Variants in RTN4 observed in about 807,000 individuals in gnomAD.
RTN4 encodes reticulon 4.
In RTN4, 32 loss-of-function variants were observed where a neutral mutation model predicts 90.4. The ratio of observed to expected loss-of-function variants is 0.35; its 90% CI spans 0.27 to 0.48. The LOEUF (loss-of-function observed/expected upper bound fraction) is 0.48, where lower values mean the gene tolerates loss of function less well. Among genes scored for constraint, RTN4 ranks in the 20% least tolerant of loss-of-function variants. The pLI, the probability that RTN4 is intolerant of heterozygous loss-of-function variation, is 0.99. For missense variants in RTN4, 1,706 were observed against 1,430.2 expected (o/e 1.19, Z -3.11); for synonymous variants, 629 against 552.5 (o/e 1.14, Z -1.94).
At chr2:55,106,256 G>A (rs1197750494) in intron 1 of RTN4, among the ~76,000 whole-genome samples, 3 of 151,854 alleles carry the variant, frequency 2.0e-5, no homozygotes, top group African/African-American at 7.3e-5. Context: ...ATTCCACTTG[G>A]GTGACAGCTC....
chr2:55,094,720 AG>A (rs1435443560), intron 1 of RTN4, among the ~76,000 whole-genome samples: 1 of 152,168 alleles, frequency 6.6e-6, no homozygotes, highest in African/African-American at 2.4e-5. Flanking sequence ...AGAGCTGACT[AG>A]GAGACAATCT....
chr2:55,051,328 G>A (rs2104989924), upstream of RTN4, among the ~76,000 whole-genome samples: 1 of 152,278 alleles, frequency 6.6e-6, no homozygotes, highest in Non-Finnish European at 1.5e-5. Context: ...AGATGCCTTG[G>A]AAAGCTAATT....
chr2:55,118,962 G>A, the RTN4 span, among the ~76,000 whole-genome samples: 1 of 152,232 alleles, frequency 6.6e-6, no homozygotes, highest in African/African-American at 2.4e-5. Flanking sequence ...AAAAATAGAA[G>A]CTGAGGTGCT....
chr2:55,015,085 T>C (rs1680934491), intron 3 of RTN4, among the ~76,000 whole-genome samples: 1 of 152,220 alleles, frequency 6.6e-6, no homozygotes, highest in South Asian at 2.1e-4. Flanking sequence ...CAACTGAATT[T>C]ATTCCACATA....
chr2:55,016,593 CA>C (rs1681060020), intron 3 of RTN4, among the ~76,000 whole-genome samples: 2 of 151,966 alleles, frequency 1.3e-5, no homozygotes, highest in Admixed American at 1.3e-4. Context: ...CAAACAAAAA[CA>C]AAAACAAAAC....
At chr2:54,984,707 T>G (rs1010945891) in intron 4 of RTN4, among the ~76,000 whole-genome samples, 2 of 152,248 alleles carry the variant, frequency 1.3e-5, no homozygotes, top group Non-Finnish European at 1.5e-5. Flanking sequence ...TAATATCACC[T>G]CTACTAGTAT....
the RTN4 span, among the ~76,000 whole-genome samples, chr2:55,126,794 G>C: frequency 6.6e-6 from 1 of 152,002 alleles, no homozygotes; most frequent in African/African-American, 2.4e-5. Context: ...ATCAGTGACA[G>C]ATTGGATAAA....
chr2:55,049,814 C>T lies in RTN4; in HGVS notation c.487G>A (p.Ala163Thr). ...PQAEPVWTPP[A>T]PAPAAPPSTP... The stretch of plus-strand genomic sequence containing the variant: ...GAGGGGGGCGCGGCGGGAGCCGGGG[C>T]TGGCGGGGTCCACACGGGCTCTGCC... Residue 163 changes from alanine (A) to threonine (T), a missense_variant, in exon 1 of 9, where the codon GCC (alanine) becomes ACC (threonine). By Grantham distance (58) the Ala-to-Thr change is moderately conservative. Coordinates refer to ENST00000337526, the MANE Select transcript of RTN4 (RefSeq NM_020532.5). 1 of 1,208,224 alleles carries T rather than the reference C, an allele frequency of 8.3e-7. No individual in the cohort carries two copies. Among genetic ancestry groups the T allele is most frequent in the Non-Finnish European group, 1.0e-6 (1 of 970,324 alleles). The allele number at this position is 1,208,224 out of a possible 1,614,324, so 74.8% of individuals were successfully genotyped here.
chr2:55,105,884 G>T (rs1308409118), intron 1 of RTN4, among the ~76,000 whole-genome samples: 4 of 152,082 alleles, frequency 2.6e-5, no homozygotes, highest in African/African-American at 9.7e-5. Context: ...GGAGGCTGAG[G>T]CCAGAGGATC....
rs111731521 is a variant in RTN4 at position 54,986,863 on chromosome 2, A to G, written c.3221+628T>C. Among the ~76,000 whole-genome samples, 488 of 152,292 alleles carry G rather than the reference A, an allele frequency of 3.2e-3. 3 individuals are homozygous for G. The highest frequency in any genetic ancestry group is 0.011 in the African/African-American group (456 of 41,548). On this transcript the variant is annotated intron_variant, in intron 4 of 8. Coordinates refer to ENST00000337526, the MANE Select transcript of RTN4 (RefSeq NM_020532.5). ...TATATGAATTATATGTCAATTAAAA[A>G]AGAGGGGGAAAAACACGCAGAGTAT...
At chr2:55,120,460 T>C in the RTN4 span, among the ~76,000 whole-genome samples, 1 of 152,052 alleles carries the variant, frequency 6.6e-6, no homozygotes, top group African/African-American at 2.4e-5. Flanking sequence ...TCCTCCAAGC[T>C]GGGGCTGGCC....
intron 2 of RTN4, among the ~76,000 whole-genome samples, chr2:55,076,874 TC>T (rs1309978646): frequency 3.3e-5 from 5 of 152,170 alleles, no homozygotes; most frequent in Non-Finnish European, 7.4e-5. Context: ...TACTTCTCTC[TC>T]TTGCAACCTT....
At chr2:55,122,205 C>T in the RTN4 span, among the ~76,000 whole-genome samples, 1 of 152,120 alleles carries the variant, frequency 6.6e-6, no homozygotes, top group Non-Finnish European at 1.5e-5. Flanking sequence ...TCTCAAACTC[C>T]TGGACTCAAG....
At position 55,098,465 on chromosome 2, in the gene RTN4, G is replaced by A. The variant is rs754578715; in HGVS notation, c.-214+14055C>T. On this transcript the variant is annotated intron_variant, in intron 1 of 3. Transcript: ENST00000427710. Reference sequence around the variant, plus strand: ...CCCAACTTCAATAATTATCAACGCAGGGTCAATTCTCTTTTATCTTTACTT... The same window carrying A: ...CCCAACTTCAATAATTATCAACGCAAGGTCAATTCTCTTTTATCTTTACTT... Among the ~76,000 whole-genome samples the A allele has an allele frequency of 9.0e-4, 137 of 152,108 alleles. 2 individuals carry two copies. Among genetic ancestry groups the A allele is most frequent in the African/African-American group, 1.2e-3 (48 of 41,488 alleles).
intron 2 of RTN4, among the ~76,000 whole-genome samples, chr2:55,074,425 C>T (rs1370837428): frequency 6.6e-6 from 1 of 151,578 alleles, no homozygotes; most frequent in Non-Finnish European, 1.5e-5. Flanking sequence ...ACTGCTTGAG[C>T]CCTGGAGGTT....
At chr2:55,040,690 C>T (rs1455996838) in intron 1 of RTN4, among the ~76,000 whole-genome samples, 1 of 152,022 alleles carries the variant, frequency 6.6e-6, no homozygotes, top group Non-Finnish European at 1.5e-5. Flanking sequence ...AAATTCTTTA[C>T]AACTAAGGGC....
At chr2:55,013,740 T>G (rs931194911) in intron 3 of RTN4, among the ~76,000 whole-genome samples, 1 of 152,198 alleles carries the variant, frequency 6.6e-6, no homozygotes, top group Non-Finnish European at 1.5e-5. Flanking sequence ...GCTCTTATTC[T>G]AAGACATTCT....
intron 2 of RTN4, among the ~76,000 whole-genome samples, chr2:55,074,172 G>T (rs1362543757): frequency 6.6e-6 from 1 of 152,188 alleles, no homozygotes; most frequent in Non-Finnish European, 1.5e-5. Flanking sequence ...AGTTGGTAGT[G>T]ACTCTGAAGC....
chr2:54,982,516 T>A lies in RTN4; in HGVS notation c.3359A>T (p.Lys1120Met). 1 of 1,607,346 alleles carries A rather than the reference T, an allele frequency of 6.2e-7. No individual in the cohort carries two copies. The highest frequency in any genetic ancestry group is 8.5e-7 in the Non-Finnish European group (1 of 1,178,204). ...FLVDDLVDSL[K>M]FAVLMWVFTY... ...AAATGAAAGGCAAAATAAACTTACC[T>A]TCAGAGAATCAACTAAATCATCAAC... The change falls in exon 5 of 9, where the codon AAG becomes ATG. Residue 1120 changes from lysine to methionine, a missense_variant and splice_region_variant. Physicochemically the swap from Lys to Met is moderately conservative, Grantham distance 95 (BLOSUM62 -1). Transcript: ENST00000337526.
Sources: gnomAD v4.1 joint callset for allele counts (sites outside exome capture counted in the v4.1 genomes callset) on GRCh38, gnomAD v4.1.1 for gene constraint, MANE v1.5 for transcripts, NCBI Gene and HGNC (gene_info 2026-07-23, HGNC 2026-07-21) for gene names.